The following APBA2 variants were observed in gnomAD, a reference collection of about 807,000 sequenced individuals.
The protein encoded by APBA2 is amyloid-beta A4 precursor protein-binding family A member 2.
APBA2 carries 30 observed loss-of-function variants against 75.0 expected under a neutral mutation model. The ratio of observed to expected loss-of-function variants is 0.40; its 90% CI spans 0.30 to 0.54. APBA2 has a LOEUF of 0.54. APBA2 is among the 20% of genes least tolerant of loss of function. The probability of loss-of-function intolerance (pLI) is 0.49; values close to 1 mark genes in which losing one functional copy is unlikely to be tolerated. For missense variants in APBA2, 801 were observed against 1,016.1 expected, an observed-to-expected ratio of 0.79 and a Z score of 2.88; for synonymous variants, 444 against 409.6, an observed-to-expected ratio of 1.08 and a Z score of -1.01.
At chr15:29,106,227 C>T (rs2044394505) in intron 11 of APBA2, among the ~76,000 whole-genome samples, 1 of 152,104 alleles carries the variant, frequency 6.6e-6, no homozygotes, top group Non-Finnish European at 1.5e-5. Flanking sequence ...AGCCTGAGAA[C>T]ATTCCTCTGG....
intron 14 of APBA2, among the ~76,000 whole-genome samples, chr15:29,115,303 C>G (rs1388388555): frequency 6.6e-6 from 1 of 151,968 alleles, no homozygotes; most frequent in Non-Finnish European, 1.5e-5. Flanking sequence ...GATGAGGTCT[C>G]CAGGAGCCAC....
At chr15:29,010,562 G>A (rs1273184342) in intron 3 of APBA2, among the ~76,000 whole-genome samples, 2 of 152,122 alleles carry the variant, frequency 1.3e-5, no homozygotes, top group African/African-American at 2.4e-5. Flanking sequence ...CCGGCCGGGA[G>A]TTCTTTATAT....
intron 3 of APBA2, among the ~76,000 whole-genome samples, chr15:29,041,027 A>G (rs950095202): frequency 6.9e-6 from 1 of 144,360 alleles, no homozygotes; most frequent in African/African-American, 2.7e-5. Context: ...GCAGGGCAAT[A>G]TGAAAAAAAA....
intron 2 of APBA2, among the ~76,000 whole-genome samples, chr15:28,937,946 C>T (rs1215376080): frequency 3.3e-5 from 5 of 152,182 alleles, no homozygotes; most frequent in East Asian, 3.8e-4. Flanking sequence ...CATGAGCCAC[C>T]GCGCCTGGCC....
chr15:29,013,041 A>T (rs971783169), intron 3 of APBA2, among the ~76,000 whole-genome samples: 1 of 152,120 alleles, frequency 6.6e-6, no homozygotes. Context: ...GAGATCATTT[A>T]AAAAAATTTC....
At chr15:28,968,877 G>A (rs955752464) in intron 2 of APBA2, among the ~76,000 whole-genome samples, 1 of 152,142 alleles carries the variant, frequency 6.6e-6, no homozygotes, top group African/African-American at 2.4e-5. Flanking sequence ...AAACACGGCT[G>A]TCTCTTGCCC....
chr15:29,048,538 T>G (rs2041449125), intron 3 of APBA2, among the ~76,000 whole-genome samples: 1 of 152,216 alleles, frequency 6.6e-6, no homozygotes, highest in Admixed American at 6.5e-5. Context: ...TATTAAAATA[T>G]GCTCTAAATT....
intron 6 of APBA2, among the ~76,000 whole-genome samples, chr15:29,087,439 G>A (rs2043337600): frequency 6.6e-6 from 1 of 152,024 alleles, no homozygotes; most frequent in Admixed American, 6.5e-5. Context: ...CTTGCTCATT[G>A]GGTGTCTAAA....
At chr15:28,951,247 C>T (rs1351641533) in intron 2 of APBA2, among the ~76,000 whole-genome samples, 1 of 152,132 alleles carries the variant, frequency 6.6e-6, no homozygotes, top group Non-Finnish European at 1.5e-5. Flanking sequence ...GCAGATTCTA[C>T]ACCATTTTAT....
chr15:28,964,069 C>T (rs1160784663), intron 2 of APBA2, among the ~76,000 whole-genome samples: 1 of 152,248 alleles, frequency 6.6e-6, no homozygotes, highest in Non-Finnish European at 1.5e-5. Context: ...CACTGGAGGA[C>T]ATTTGGAGTT....
intron 2 of APBA2, among the ~76,000 whole-genome samples, chr15:28,964,167 T>A (rs1351287199): frequency 6.6e-6 from 1 of 152,254 alleles, no homozygotes; most frequent in Admixed American, 6.5e-5. Flanking sequence ...TATTCCTCTA[T>A]GATCAATTAT....
chr15:28,946,997 C>A (rs970502432), intron 2 of APBA2, among the ~76,000 whole-genome samples: 3 of 152,230 alleles, frequency 2.0e-5, no homozygotes, highest in African/African-American at 7.2e-5. Flanking sequence ...GACTCAGGGA[C>A]CAAGCCTTTC....
chr15:29,100,356 G>C (rs2044055398), intron 9 of APBA2, among the ~76,000 whole-genome samples: 1 of 152,252 alleles, frequency 6.6e-6, no homozygotes. Flanking sequence ...CTGAGACAAA[G>C]GTGAAGCAGC....
intron 3 of APBA2, among the ~76,000 whole-genome samples, chr15:29,030,560 T>C: frequency 6.6e-6 from 1 of 152,160 alleles, no homozygotes; most frequent in African/African-American, 2.4e-5. Flanking sequence ...GAGGGGTACA[T>C]TCAGAATTGG....
intron 6 of APBA2, among the ~76,000 whole-genome samples, chr15:29,088,251 G>T (rs987696526): frequency 1.3e-5 from 2 of 152,158 alleles, no homozygotes; most frequent in Non-Finnish European, 2.9e-5. Context: ...GAGTCCTGGG[G>T]CTTCATCCTG....
chr15:28,936,777 G>A (rs2034897495), intron 2 of APBA2, among the ~76,000 whole-genome samples: 1 of 152,188 alleles, frequency 6.6e-6, no homozygotes, highest in Non-Finnish European at 1.5e-5. Context: ...GGCCTGCACA[G>A]GATGTGAGTT....
intron 3 of APBA2, among the ~76,000 whole-genome samples, chr15:29,030,595 C>G (rs1271693034): frequency 6.6e-6 from 1 of 152,134 alleles, no homozygotes; most frequent in Non-Finnish European, 1.5e-5. Context: ...ATAACTGACA[C>G]AACCTTTTTG....
At chr15:28,964,990 A>T (rs1566850341) in intron 2 of APBA2, among the ~76,000 whole-genome samples, 1 of 151,434 alleles carries the variant, frequency 6.6e-6, no homozygotes, top group Non-Finnish European at 1.5e-5. Flanking sequence ...GTTTTATCAA[A>T]TTTTTTCCTT....
chr15:29,060,563 C>G (rs2042088706), intron 4 of APBA2, among the ~76,000 whole-genome samples: 1 of 152,130 alleles, frequency 6.6e-6, no homozygotes, highest in Non-Finnish European at 1.5e-5. Flanking sequence ...TGTTTCCTTG[C>G]TGTTGAAAGG....
Sources: gnomAD v4.1 joint callset for allele counts (sites outside exome capture counted in the v4.1 genomes callset) on GRCh38, gnomAD v4.1.1 for gene constraint, MANE v1.5 for transcripts, NCBI Gene and HGNC (gene_info 2026-07-23, HGNC 2026-07-21) for gene names.